CACNB4: variants seen among roughly 807,000 people sequenced by gnomAD.
CACNB4 encodes calcium voltage-gated channel auxiliary subunit beta 4.
In CACNB4, 32 loss-of-function variants were observed where a neutral mutation model predicts 71.2. That is an observed-to-expected ratio of 0.45 (90% CI 0.34 to 0.60). CACNB4 has a LOEUF of 0.60. Among genes scored for constraint, CACNB4 ranks in the 20% least tolerant of loss-of-function variants. The pLI is 0.01. For synonymous variants in CACNB4, 231 were observed against 236.9 expected, an observed-to-expected ratio of 0.97 and a Z score of 0.23; for missense variants, 464 against 647.9, an observed-to-expected ratio of 0.72 and a Z score of 3.08.
intron 2 of CACNB4, among the ~76,000 whole-genome samples, chr2:151,983,337 C>A (rs2099875041): frequency 6.6e-6 from 1 of 152,150 alleles, no homozygotes; most frequent in South Asian, 2.1e-4. Context: ...GATATAATTT[C>A]TCTTAGTTCT....
chr2:151,963,244 G>A (rs1157170926), intron 2 of CACNB4, among the ~76,000 whole-genome samples: 1 of 150,448 alleles, frequency 6.6e-6, no homozygotes, highest in Non-Finnish European at 1.5e-5. Context: ...CCTGGGAGAC[G>A]GAGCTTGTAG....
intron 2 of CACNB4, among the ~76,000 whole-genome samples, chr2:152,065,387 GA>G (rs35453162): frequency 0.43 from 55,777 of 129,674 alleles, 12,578 homozygotes; most frequent in Non-Finnish European, 0.56. Flanking sequence ...CATCTCAAAA[GA>G]AAAAAAAAAA....
intron 2 of CACNB4, among the ~76,000 whole-genome samples, chr2:151,915,386 A>G (rs897444866): frequency 2.0e-5 from 3 of 152,200 alleles, no homozygotes; most frequent in African/African-American, 7.2e-5. Context: ...TCCCCCGCCC[A>G]GGGAGCTCAG....
chr2:152,079,905 G>C (rs1182424896), intron 2 of CACNB4, among the ~76,000 whole-genome samples: 1 of 152,190 alleles, frequency 6.6e-6, no homozygotes, highest in Non-Finnish European at 1.5e-5. Flanking sequence ...AAGAAATCCA[G>C]ATATCATTAG....
intron 5 of CACNB4, 67 bp downstream of exon 5, chr2:151,876,359 T>C (rs1021693788): frequency 2.2e-5 from 31 of 1,385,656 alleles, no homozygotes; most frequent in Middle Eastern, 3.7e-4. Context: ...TTTGAAAGTA[T>C]ACACCCTTGA....
intron 2 of CACNB4, among the ~76,000 whole-genome samples, chr2:151,929,793 A>C (rs917824829): frequency 2.6e-5 from 4 of 152,330 alleles, no homozygotes; most frequent in Non-Finnish European, 4.4e-5. Context: ...TAAAAACAAA[A>C]TATGTAGAAT....
chr2:151,882,709 G>T (rs1315070430), intron 3 of CACNB4, among the ~76,000 whole-genome samples: 1 of 152,188 alleles, frequency 6.6e-6, no homozygotes, highest in African/African-American at 2.4e-5. Context: ...TTCTATGGAG[G>T]CCTCTTCTTG....
intron 11 of CACNB4, chr2:151,854,204 G>C (rs546353503): frequency 6.6e-6 from 1 of 152,374 alleles, no homozygotes; most frequent in East Asian, 1.9e-4. Flanking sequence ...GGGAACTCCT[G>C]TTCTTGCACT....
intron 2 of CACNB4, among the ~76,000 whole-genome samples, chr2:151,930,593 T>C (rs921512823): frequency 4.6e-5 from 7 of 152,142 alleles, no homozygotes; most frequent in Admixed American, 1.3e-4. Flanking sequence ...TAGTAGGGGA[T>C]TGGTGAAACA....
chr2:152,096,112 T>C (rs1688254325), intron 2 of CACNB4, among the ~76,000 whole-genome samples: 1 of 152,228 alleles, frequency 6.6e-6, no homozygotes, highest in Non-Finnish European at 1.5e-5. Flanking sequence ...ATTTTTATTG[T>C]AGCCAATACA....
intron 2 of CACNB4, among the ~76,000 whole-genome samples, chr2:151,909,643 C>T (rs941321231): frequency 1.3e-5 from 2 of 151,796 alleles, no homozygotes; most frequent in Admixed American, 1.3e-4. Flanking sequence ...TCTCAATGTT[C>T]AACTCCCACT....
At chr2:151,957,257 CGTGTGTGT>C (rs1553791572) in intron 2 of CACNB4, among the ~76,000 whole-genome samples, 21 of 131,870 alleles carry the variant, frequency 1.6e-4, no homozygotes, top group East Asian at 4.3e-4. Flanking sequence ...AGTGGCTGGG[CGTGTGTGT>C]GTGTGTGTGT....
chr2:152,033,937 A>G (rs1684420397), intron 2 of CACNB4, among the ~76,000 whole-genome samples: 1 of 152,224 alleles, frequency 6.6e-6, no homozygotes, highest in Non-Finnish European at 1.5e-5. Flanking sequence ...GTAGTTAGCA[A>G]CATAATAGAA....
chr2:152,088,158 CACACACACACAT>C (rs925034094), intron 2 of CACNB4, among the ~76,000 whole-genome samples: 21 of 150,798 alleles, frequency 1.4e-4, no homozygotes, highest in South Asian at 2.1e-4. Context: ...CACACACACA[CACACACACACAT>C]ACACACACAC....
In CACNB4 at chr2:151,839,166, G is replaced by T. The variant is rs779983066; in HGVS notation, c.1516C>A (p.Arg506=). 1 of 1,613,530 alleles carries T rather than the reference G, an allele frequency of 6.2e-7. No homozygotes were observed. Among genetic ancestry groups the T allele is most frequent in the South Asian group, 1.1e-5 (1 of 91,068 alleles). The change falls in exon 14 of 14, where the codon CGA becomes AGA. Residue 506 remains arginine, a synonymous_variant. Coordinates refer to ENST00000539935, the MANE Select transcript of CACNB4 (RefSeq NM_000726.5). ...TGGCTATATCCCCCAGGTGATCCTCGGTTCCTATGGGGTTTGTAAGTGTCC... is the reference window on the plus strand; with the variant it reads ...TGGCTATATCCCCCAGGTGATCCTCTGTTCCTATGGGGTTTGTAAGTGTCC... ...YQDTYKPHRN[R]GSPGGYSHDS...
At chr2:151,857,558 A>C (rs1205889606) in intron 10 of CACNB4, 2 of 152,250 alleles carry the variant, frequency 1.3e-5, no homozygotes, top group Non-Finnish European at 2.9e-5. Context: ...TTTTTACTGT[A>C]GTAAATTTCA....
intron 2 of CACNB4, among the ~76,000 whole-genome samples, chr2:152,024,649 C>T (rs955802238): frequency 1.5e-4 from 23 of 152,344 alleles, no homozygotes; most frequent in African/African-American, 5.3e-4. Context: ...TAGGGATCCA[C>T]AGCATCATTG....
rs564723955 is a variant in CACNB4 at position 151,925,644 on chromosome 2, T to C, written c.148-42274A>G. Among the ~76,000 whole-genome samples, 5 of 149,278 alleles carry C rather than the reference T, an allele frequency of 3.3e-5. No homozygotes were observed. The East Asian group carries it at 9.9e-4, about 29-fold the overall frequency. ...CAAAGGAGTAGGGTGGATAGGTTGT[T>C]TGTAGGATTTGCAAACATCCAAATA... On this transcript the variant is annotated intron_variant, in intron 2 of 13. Transcript: ENST00000539935.
intron 2 of CACNB4, among the ~76,000 whole-genome samples, chr2:151,941,447 A>G (rs2099864222): frequency 1.3e-5 from 2 of 151,812 alleles, no homozygotes; most frequent in Admixed American, 1.3e-4. Flanking sequence ...ATGCCTGGCT[A>G]ATTTTTGTAT....
Sources: gnomAD v4.1 joint callset for allele counts (sites outside exome capture counted in the v4.1 genomes callset) on GRCh38, gnomAD v4.1.1 for gene constraint, MANE v1.5 for transcripts, NCBI Gene and HGNC (gene_info 2026-07-23, HGNC 2026-07-21) for gene names.